Variants in CDC42BPA observed in about 807,000 individuals in gnomAD.
CDC42BPA encodes the protein serine/threonine-protein kinase MRCK alpha.
CDC42BPA carries 80 observed loss-of-function variants against 223.5 expected under a neutral mutation model. The ratio of observed to expected loss-of-function variants is 0.36; its 90% CI spans 0.30 to 0.43. The LOEUF is 0.43. Ranked by LOEUF, CDC42BPA falls within the 20% of genes least tolerant of loss-of-function variation. The pLI, the probability that CDC42BPA is intolerant of heterozygous loss-of-function variation, is 1.00. For synonymous variants in CDC42BPA, 694 were observed against 718.6 expected, an observed-to-expected ratio of 0.97 and a Z score of 0.55; for missense variants, 1,743 against 2,099.9, an observed-to-expected ratio of 0.83 and a Z score of 3.32.
chr1:227,040,475 T>G (rs1209903144), intron 23 of CDC42BPA, among the ~76,000 whole-genome samples: 4 of 152,172 alleles, frequency 2.6e-5, no homozygotes, highest in African/African-American at 9.6e-5. Flanking sequence ...CAATGCCATT[T>G]TAAAAGTATA....
rs1468027046 is a variant in CDC42BPA, at chr1:227,119,895, A to T, written c.1556T>A (p.Val519Glu). Reference sequence around the variant, plus strand: ...AAAAGCATCATCTAGTTCTTGCCTCACAGCATTAGCTTCTTCAAGTTGCTG... The same window carrying T: ...AAAAGCATCATCTAGTTCTTGCCTCTCAGCATTAGCTTCTTCAAGTTGCTG... ...LEQQLEEANA[V>E]RQELDDAFRQ... The change falls in exon 12 of 37, where the codon GTG (valine) becomes GAG (glutamate). Residue 519 changes from valine to glutamate, a missense_variant. Physicochemically the swap from Val to Glu is moderately radical, Grantham distance 121. Around this residue, in one of 6 missense-constraint regions of CDC42BPA, gnomAD observed 464 missense variants for 488.0 expected, o/e 0.95. Coordinates refer to ENST00000366766, the MANE Select transcript of CDC42BPA (RefSeq NM_001394014.1). The T allele has an allele frequency of 1.2e-6, 2 of 1,601,630 alleles. No homozygotes were observed. The highest frequency in any genetic ancestry group is 3.4e-5 in the Admixed American group (2 of 58,346).
intron 1 of CDC42BPA, among the ~76,000 whole-genome samples, chr1:227,282,871 C>T (rs1461891139): frequency 6.6e-6 from 1 of 152,130 alleles, no homozygotes; most frequent in East Asian, 1.9e-4. Flanking sequence ...TTAATGAGTA[C>T]AGTTTCAGTT....
At chr1:227,179,659 A>AAAAAAAAAAAAAAG (rs1216438998) in intron 5 of CDC42BPA, among the ~76,000 whole-genome samples, 2 of 146,890 alleles carry the variant, frequency 1.4e-5, no homozygotes, top group African/African-American at 5.3e-5. Context: ...AAAAAAAAAA[A>AAAAAAAAAAAAAAG]AGCTATTTTA....
rs1420462719 is a variant in CDC42BPA at position 227,069,861 on chromosome 1, A to G, written c.2828-8T>C. The stretch of plus-strand genomic sequence containing the variant: ...AGTCTTGGTGCTCTATACCTAGAAG[A>G]CAGCAGCAACTTTTTTTAAGGCTAC... On this transcript the variant is annotated splice_polypyrimidine_tract_variant and splice_region_variant and intron_variant, in intron 20 of 36. Coordinates refer to ENST00000366766, the MANE Select transcript of CDC42BPA (RefSeq NM_001394014.1). The G allele has an allele frequency of 1.2e-6, 2 of 1,601,846 alleles. No homozygotes were observed. Among genetic ancestry groups the G allele is most frequent in the Non-Finnish European group, 1.7e-6 (2 of 1,170,584 alleles).
chr1:227,229,924 T>C (rs1677516762), intron 2 of CDC42BPA, among the ~76,000 whole-genome samples: 2 of 152,224 alleles, frequency 1.3e-5, no homozygotes, highest in African/African-American at 4.8e-5. Context: ...TGGGTGTAAT[T>C]TTCATATTTA....
chr1:226,991,935 C>A lies in CDC42BPA; in HGVS notation c.*2333G>T, dbSNP rs990507971. On this transcript the variant is annotated 3_prime_UTR_variant, in exon 37 of 37. Coordinates refer to ENST00000366766, the MANE Select transcript of CDC42BPA (RefSeq NM_001394014.1). ...AGAAGAGAAGGGAGAGAGGAGAAGG[C>A]AAGGGGAAAGGGAAGAGGAGGATGG... is the stretch of plus-strand genomic sequence containing the variant. The A allele has an allele frequency of 7.3e-6, 1 of 136,854 alleles. No individual in the cohort carries two copies. Among genetic ancestry groups the A allele is most frequent in the African/African-American group, 2.7e-5 (1 of 36,826 alleles). The allele number at this position is 136,854 out of a possible 1,614,324, so 8.5% of individuals were successfully genotyped here.
At chr1:227,202,042 G>A (rs1261567484) in intron 3 of CDC42BPA, among the ~76,000 whole-genome samples, 1 of 152,128 alleles carries the variant, frequency 6.6e-6, no homozygotes, top group African/African-American at 2.4e-5. Flanking sequence ...GGAGTGCAGT[G>A]GCGTGATCTC....
At chr1:227,192,891 C>T (rs1274650781) in intron 5 of CDC42BPA, among the ~76,000 whole-genome samples, 1 of 151,940 alleles carries the variant, frequency 6.6e-6, no homozygotes, top group Non-Finnish European at 1.5e-5. Context: ...ACTTATTTAG[C>T]AAATGAACCT....
chr1:226,993,160 CTT>C lies in CDC42BPA; in HGVS notation c.*1106_*1107del, dbSNP rs1176559922. ...CCCTGGGACAGACACCTCGCTGTGACTTAGGGAGGGACAGGATTAGCCCAGGA... is the reference window on the plus strand; with the variant it reads ...CCCTGGGACAGACACCTCGCTGTGACAGGGAGGGACAGGATTAGCCCAGGA... On this transcript the variant is annotated 3_prime_UTR_variant, in exon 37 of 37. Coordinates refer to ENST00000366766, the MANE Select transcript of CDC42BPA (RefSeq NM_001394014.1). 6.6e-6 allele frequency: 1 copy of C among 152,228 alleles called. No homozygotes were observed. Among genetic ancestry groups the C allele is most frequent in the East Asian group, 1.9e-4 (1 of 5,202 alleles). 9.4% of individuals were successfully genotyped at this position (152,228 alleles called of 1,614,324 possible). A position where few individuals can be genotyped will look rare whatever the true frequency, so the allele number is the denominator to read the frequency against.
intron 1 of CDC42BPA, among the ~76,000 whole-genome samples, chr1:227,306,149 T>C (rs866027974): frequency 3.2e-4 from 48 of 151,808 alleles, no homozygotes; most frequent in African/African-American, 1.1e-3. Flanking sequence ...TTTTTTTTTT[T>C]TTTTTTTGCT....
At chr1:227,291,884 C>T (rs1177165860) in intron 1 of CDC42BPA, among the ~76,000 whole-genome samples, 1 of 152,144 alleles carries the variant, frequency 6.6e-6, no homozygotes, top group Non-Finnish European at 1.5e-5. Flanking sequence ...GTTTCTTCTA[C>T]AGAATCATAA....
At position 227,026,039 on chromosome 1, in the gene CDC42BPA, T is replaced by C; in HGVS notation, c.4530+16A>G. Reference sequence around the variant, plus strand: ...TATACTCAGTTGGCTTAGCCCACATTTTAATGTTAAATTACCTTTTTGAGA... The same window carrying C: ...TATACTCAGTTGGCTTAGCCCACATCTTAATGTTAAATTACCTTTTTGAGA... On this transcript the variant is annotated intron_variant, in intron 31 of 36. Transcript: ENST00000366766. The C allele has an allele frequency of 6.9e-7, 1 of 1,442,454 alleles. No homozygotes were observed. The highest frequency in any genetic ancestry group is 9.7e-7 in the Non-Finnish European group (1 of 1,030,256). 89.4% of individuals were successfully genotyped at this position (1,442,454 alleles called of 1,614,324 possible). A position where few individuals can be genotyped will look rare whatever the true frequency, so the allele number is the denominator to read the frequency against.
rs1680517674 is a variant in CDC42BPA, at chr1:227,081,024, G to T, written c.2356-7C>A. ...TCTCATACAAAGTAGTAAGCTGAAAGATAGTTTTAAGACATGCATGACTTT... is the reference window on the plus strand; with the variant it reads ...TCTCATACAAAGTAGTAAGCTGAAATATAGTTTTAAGACATGCATGACTTT... On this transcript the variant is annotated splice_polypyrimidine_tract_variant and splice_region_variant and intron_variant, in intron 16 of 36. Coordinates refer to ENST00000366766, the MANE Select transcript of CDC42BPA (RefSeq NM_001394014.1). 6.2e-7 allele frequency: 1 copy of T among 1,613,060 alleles called. No homozygotes were observed. Among genetic ancestry groups the T allele is most frequent in the African/African-American group, 1.3e-5 (1 of 74,998 alleles).
chr1:227,198,529 A>C (rs1261329636), intron 4 of CDC42BPA, among the ~76,000 whole-genome samples: 1 of 151,758 alleles, frequency 6.6e-6, no homozygotes, highest in Non-Finnish European at 1.5e-5. Flanking sequence ...ATGGGTCACA[A>C]TCTGTAGTTT....
At chr1:227,204,173 T>G (rs4653802) in intron 3 of CDC42BPA, among the ~76,000 whole-genome samples, 104,489 of 152,016 alleles carry the variant, frequency 0.69, 36,106 homozygotes, top group South Asian at 0.73. Flanking sequence ...ATCAGTGAAA[T>G]TTTAAATTGC....
At chr1:227,191,701 T>C (rs1365535144) in intron 5 of CDC42BPA, among the ~76,000 whole-genome samples, 1 of 151,968 alleles carries the variant, frequency 6.6e-6, no homozygotes, top group Non-Finnish European at 1.5e-5. Flanking sequence ...AACGAAATAG[T>C]ATTTTCTGTA....
intron 35 of CDC42BPA, among the ~76,000 whole-genome samples, chr1:226,996,545 G>A (rs943357275): frequency 2.6e-5 from 4 of 152,088 alleles, no homozygotes; most frequent in African/African-American, 7.2e-5. Context: ...TCTGGTTGCA[G>A]TTTTCAAAGG....
Position 227,040,932 on chromosome 1 carries a change from T to C in CDC42BPA, c.3094-696A>G, listed in dbSNP as rs112836792. ...ATTCCTTTGTTTTCCAAATTAATTCTCTTAGCATGTTTTAACAATAAATGA... is the reference window on the plus strand; with the variant it reads ...ATTCCTTTGTTTTCCAAATTAATTCCCTTAGCATGTTTTAACAATAAATGA... On this transcript the variant is annotated intron_variant, in intron 23 of 36. Transcript: ENST00000366766. 7.0e-3 allele frequency among the ~76,000 whole-genome samples: 1,068 copies of C among 152,304 alleles called. 1 individual carries two copies. Among genetic ancestry groups the C allele is most frequent in the Middle Eastern group, 0.014 (4 of 294 alleles).
At chr1:227,019,596 G>A (rs1666988179) in intron 32 of CDC42BPA, among the ~76,000 whole-genome samples, 1 of 152,086 alleles carries the variant, frequency 6.6e-6, no homozygotes, top group African/African-American at 2.4e-5. Flanking sequence ...CTTATGAAAT[G>A]TGTTTCTTAA....
Sources: gnomAD v4.1 joint callset for allele counts (sites outside exome capture counted in the v4.1 genomes callset) on GRCh38, gnomAD v4.1.1 for gene constraint, gnomAD v4.1.1 regional missense constraint, MANE v1.5 for transcripts, NCBI Gene and HGNC (gene_info 2026-07-23, HGNC 2026-07-21) for gene names.